ZFHX3: variants seen among roughly 807,000 people sequenced by gnomAD.
ZFHX3 encodes zinc finger homeobox protein 3.
Under a neutral mutation model 279.1 loss-of-function variants are expected in ZFHX3, and 42 were observed. The observed-to-expected ratio is 0.15, with a 90% confidence interval of 0.12 to 0.19. The LOEUF (loss-of-function observed/expected upper bound fraction) is 0.19. Among genes scored for constraint, ZFHX3 ranks in the 10% least tolerant of loss-of-function variants. The probability of loss-of-function intolerance (pLI) is 1.00; values close to 1 mark genes in which losing one functional copy is unlikely to be tolerated. For missense variants in ZFHX3, 4,981 were observed against 4,754.0 expected (o/e 1.05, Z -1.40); for synonymous variants, 2,293 against 1,957.8 (o/e 1.17, Z -4.52).
intron 4 of ZFHX3, among the ~76,000 whole-genome samples, chr16:72,855,851 A>G (rs561106833): frequency 3.3e-5 from 5 of 152,316 alleles, no homozygotes; most frequent in Admixed American, 2.0e-4. Context: ...AGGACTGACA[A>G]AAGGGATTGT....
intron 1 of ZFHX3, among the ~76,000 whole-genome samples, chr16:73,814,568 C>CT (rs1242558367): frequency 0.025 from 3,539 of 141,832 alleles, 84 homozygotes; most frequent in African/African-American, 0.068. Flanking sequence ...TAGTTCACAA[C>CT]TTTTTTTTTT....
At chr16:73,494,916 CAG>C (rs778833926) in intron 2 of ZFHX3, among the ~76,000 whole-genome samples, 5 of 151,930 alleles carry the variant, frequency 3.3e-5, no homozygotes, top group Admixed American at 6.6e-5. Flanking sequence ...AAGTTCCACT[CAG>C]AGTCTTACAG....
intron 4 of ZFHX3, among the ~76,000 whole-genome samples, chr16:73,271,386 C>A (rs2014140700): frequency 6.6e-6 from 1 of 152,244 alleles, no homozygotes; most frequent in African/African-American, 2.4e-5. Flanking sequence ...CCTGCTCACT[C>A]CTCCCCAGTG....
intron 2 of ZFHX3, among the ~76,000 whole-genome samples, chr16:73,603,711 T>C (rs2052147698): frequency 6.6e-6 from 1 of 151,680 alleles, no homozygotes; most frequent in African/African-American, 2.4e-5. Flanking sequence ...TATTATATCA[T>C]TATGAAATGG....
At chr16:73,066,993 A>G (rs1384289289) in intron 8 of ZFHX3, among the ~76,000 whole-genome samples, 1 of 151,954 alleles carries the variant, frequency 6.6e-6, no homozygotes, top group Non-Finnish European at 1.5e-5. Context: ...TGGGGAGGGA[A>G]GGCGCCTCTG....
intron 8 of ZFHX3, among the ~76,000 whole-genome samples, chr16:73,079,145 C>A (rs1597149623): frequency 6.6e-6 from 1 of 152,100 alleles, no homozygotes; most frequent in East Asian, 1.9e-4. Flanking sequence ...CCTTCCAGTC[C>A]CCTTCTCTTT....
At chr16:73,414,317 G>A (rs533068825) in intron 3 of ZFHX3, among the ~76,000 whole-genome samples, 39 of 152,192 alleles carry the variant, frequency 2.6e-4, no homozygotes, top group African/African-American at 9.4e-4. Flanking sequence ...ACAGATTATC[G>A]ACCACCTACT....
At chr16:73,600,065 A>G (rs1046465059) in intron 2 of ZFHX3, among the ~76,000 whole-genome samples, 4 of 152,196 alleles carry the variant, frequency 2.6e-5, no homozygotes, top group African/African-American at 9.6e-5. Flanking sequence ...TGTACATGGC[A>G]CCATGCCAAC....
intron 2 of ZFHX3, among the ~76,000 whole-genome samples, chr16:73,516,984 C>T (rs933446356): frequency 6.6e-6 from 1 of 152,132 alleles, no homozygotes; most frequent in African/African-American, 2.4e-5. Flanking sequence ...TACAGAAAAA[C>T]GCATGATCAA....
intron 2 of ZFHX3, among the ~76,000 whole-genome samples, chr16:73,533,171 G>A (rs367595656): frequency 1.3e-5 from 2 of 151,618 alleles, no homozygotes; most frequent in East Asian, 1.9e-4. Context: ...ACATTTTCTC[G>A]TTTCATCTCA....
intron 2 of ZFHX3, among the ~76,000 whole-genome samples, chr16:73,525,178 G>A (rs1000120507): frequency 6.6e-6 from 1 of 152,180 alleles, no homozygotes; most frequent in Non-Finnish European, 1.5e-5. Context: ...CCGACCTGGG[G>A]AGATTCCTGT....
intron 1 of ZFHX3, among the ~76,000 whole-genome samples, chr16:73,736,582 G>T (rs79127523): frequency 0.016 from 2,346 of 151,112 alleles, 48 homozygotes; most frequent in African/African-American, 0.053. Flanking sequence ...TACAGAGAGG[G>T]AAATCAGAAA....
At chr16:73,155,016 A>G (rs1967039525) in intron 5 of ZFHX3, among the ~76,000 whole-genome samples, 1 of 151,986 alleles carries the variant, frequency 6.6e-6, no homozygotes, top group African/African-American at 2.4e-5. Flanking sequence ...TCTACTAAAA[A>G]TACAAAAATT....
At chr16:73,139,751 A>G (rs930328941) in intron 6 of ZFHX3, among the ~76,000 whole-genome samples, 2 of 152,220 alleles carry the variant, frequency 1.3e-5, no homozygotes, top group Non-Finnish European at 2.9e-5. Flanking sequence ...TATGCTCCCT[A>G]CTAAACACTC....
At chr16:73,126,542 T>C (rs977880723) in intron 7 of ZFHX3, 2 of 152,156 alleles carry the variant, frequency 1.3e-5, no homozygotes, top group African/African-American at 2.4e-5. Context: ...ACACTTAGGG[T>C]ACACGTTGGA....
rs540391829 is a variant in ZFHX3 at position 73,881,157 on chromosome 16, T to C, written c.-1608+10494A>G. Among the ~76,000 whole-genome samples the C allele has an allele frequency of 6.6e-5, 10 of 152,246 alleles. No homozygotes were observed. The South Asian group carries it at 1.9e-3, about 28-fold the overall frequency. ...TACTCACTCATTCAGAATAAGTCTA[T>C]AGATGAACTGTCTCTGTATTTTTAA... On this transcript the variant is annotated intron_variant, in intron 1 of 17. Coordinates refer to the ZFHX3 transcript ENST00000641206.
intron 1 of ZFHX3, among the ~76,000 whole-genome samples, chr16:73,818,962 C>T (rs1280658841): frequency 6.6e-6 from 1 of 152,106 alleles, no homozygotes; most frequent in Non-Finnish European, 1.5e-5. Context: ...AAGGAGAACT[C>T]AGTGAAATAA....
chr16:73,791,281 C>A (rs1370558678), intron 1 of ZFHX3, among the ~76,000 whole-genome samples: 1 of 151,156 alleles, frequency 6.6e-6, no homozygotes, highest in Non-Finnish European at 1.5e-5. Flanking sequence ...TCTCTTTTGA[C>A]TGGCAGAGTC....
At chr16:73,356,852 T>C (rs972119409) in intron 3 of ZFHX3, among the ~76,000 whole-genome samples, 9 of 151,392 alleles carry the variant, frequency 5.9e-5, no homozygotes, top group African/African-American at 1.9e-4. Context: ...TTTTTTTTTT[T>C]CTTCCTGGCC....
Sources: allele counts gnomAD v4.1 joint callset (sites outside exome capture counted in the v4.1 genomes callset), GRCh38; gene constraint gnomAD v4.1.1; transcripts MANE v1.5; gene names NCBI Gene and HGNC (gene_info 2026-07-23, HGNC 2026-07-21).